CYP4A11: variants seen among roughly 807,000 people sequenced by gnomAD.
CYP4A11 encodes cytochrome P450 4A11.
CYP4A11 carries 52 observed loss-of-function variants against 57.7 expected under a neutral mutation model. That is an observed-to-expected ratio of 0.90 (90% CI 0.72 to 1.14). The LOEUF is 1.14. CYP4A11 is among the 50% of genes most tolerant of loss of function. The probability of loss-of-function intolerance (pLI) is 0.00; values close to 1 mark genes in which losing one functional copy is unlikely to be tolerated. For synonymous variants in CYP4A11, 228 were observed against 247.1 expected (o/e 0.92, Z 0.72); for missense variants, 641 against 642.1 (o/e 1.00, Z 0.02).
At chr1:46,935,959 G>A (rs1214157059) in intron 4 of CYP4A11, among the ~76,000 whole-genome samples, 1 of 152,212 alleles carries the variant, frequency 6.6e-6, no homozygotes, top group Non-Finnish European at 1.5e-5. Context: ...TATTGCTATT[G>A]TTGTTCTGGG....
chr1:46,931,927 T>G, intron 11 of CYP4A11: 1 of 984,038 alleles, frequency 1.0e-6, no homozygotes, highest in Non-Finnish European at 1.2e-6. Context: ...CAATTTCAAG[T>G]GTGTTTTATA....
rs912209394 is a variant in CYP4A11, at chr1:46,930,066, A to C, written c.*49T>G. ...AGAAAACAGGATATGGGCAGACAGG[A>C]AGGGGACAGAAGCGGGGGTCAGGAA... On this transcript the variant is annotated 3_prime_UTR_variant, in exon 12 of 12. Transcript: ENST00000310638. 2 of 1,564,106 alleles carry C rather than the reference A, an allele frequency of 1.3e-6. No individual in the cohort carries two copies. Among genetic ancestry groups the C allele is most frequent in the Admixed American group, 1.8e-5 (1 of 55,256 alleles).
rs758130015 is a variant in CYP4A11 at position 46,934,537 on chromosome 1, C to G, written c.813G>C (p.Lys271Asn). 6.2e-6 allele frequency: 10 copies of G among 1,613,584 alleles called. No homozygotes were observed. The highest frequency in any genetic ancestry group is 8.5e-6 in the Non-Finnish European group (10 of 1,179,798). The change falls in exon 7 of 12, where the codon AAG (lysine) becomes AAC (asparagine). Residue 271 changes from lysine (K) to asparagine (N), a missense_variant. Lys to Asn is a moderately conservative substitution (Grantham distance 94, BLOSUM62 0). Transcript: ENST00000310638. The stretch of plus-strand genomic sequence containing the variant: ...GCTCCCCCTCCTTCTGTAGTTGAGC[C>G]TTCCTCAGTTGGATCACTTGGTCTG... ...QHTDQVIQLR[K>N]AQLQKEGELE...
At chr1:46,935,465 G>T in intron 5 of CYP4A11, 58 bp downstream of exon 5, 1 of 1,545,174 alleles carries the variant, frequency 6.5e-7, no homozygotes, top group Admixed American at 2.1e-5. Context: ...TGCCCCTCAG[G>T]TATGTGCACT....
intron 11 of CYP4A11, among the ~76,000 whole-genome samples, chr1:46,930,577 A>G (rs1301007662): frequency 6.6e-6 from 1 of 152,206 alleles, no homozygotes; most frequent in South Asian, 2.1e-4. Context: ...CTCTATCAAG[A>G]CAAGGCCAGG....
At chr1:46,936,832 TGTG>T in intron 3 of CYP4A11, 41 bp from the exon 4 acceptor site, 1 of 1,569,978 alleles carries the variant, frequency 6.4e-7, no homozygotes, top group Non-Finnish European at 8.6e-7. Flanking sequence ...TGTGTGTGTG[TGTG>T]TGTGTGTGTC....
Position 46,941,132 on chromosome 1 carries a change from C to T in CYP4A11, c.195+107G>A, listed in dbSNP as rs1233356458. On this transcript the variant is annotated intron_variant, in intron 1 of 11. Coordinates refer to ENST00000310638, the MANE Select transcript of CYP4A11 (RefSeq NM_000778.4). Reference sequence around the variant, plus strand: ...AGGTAGGCTGGGTGTTCCTTTGAGTCCTCACATTTGTTACAAAACAAGGCT... The same window carrying T: ...AGGTAGGCTGGGTGTTCCTTTGAGTTCTCACATTTGTTACAAAACAAGGCT... 23 of 1,487,572 alleles carry T rather than the reference C, an allele frequency of 1.5e-5. No individual in the cohort carries two copies. The Admixed American group carries it at 5.3e-4, about 34-fold the overall frequency. 92.1% of individuals were successfully genotyped at this position (1,487,572 alleles called of 1,614,324 possible). A position where few individuals can be genotyped will look rare whatever the true frequency, so the allele number is the denominator to read the frequency against.
rs565990014 is a variant in CYP4A11, at chr1:46,935,169, G to T, written c.636-15C>A. ...ACTGAGAATTCCTGAGGGAGAGTAT[G>T]AAGAAGGGACTGCAGTAGGGGTGGG... On this transcript the variant is annotated splice_polypyrimidine_tract_variant and intron_variant, in intron 5 of 11. Transcript: ENST00000310638. The T allele has an allele frequency of 6.2e-7, 1 of 1,611,592 alleles. No individual in the cohort carries two copies. Among genetic ancestry groups the T allele is most frequent in the South Asian group, 1.1e-5 (1 of 90,838 alleles).
In CYP4A11 at chr1:46,934,303, C is replaced by T. The variant is rs766548408; in HGVS notation, c.961G>A (p.Glu321Lys). 7 of 1,610,460 alleles carry T rather than the reference C, an allele frequency of 4.3e-6. No individual in the cohort carries two copies. The East Asian group carries it at 1.6e-4, about 36-fold the overall frequency. ...CCACTGGCTGTGGTGTCGTGGCCCT[C>T]AAACATGAACGTGTCCACCTCAGCA... ...LRAEVDTFMF[E>K]GHDTTASGIS... The change falls in exon 8 of 12, where the codon GAG becomes AAG. Residue 321 changes from glutamate (E) to lysine (K), a missense_variant. Transcript: ENST00000310638.
At chr1:46,935,195 C>T (rs1158121086) in intron 5 of CYP4A11, 41 bp from the exon 6 acceptor site, 5 of 1,589,942 alleles carry the variant, frequency 3.1e-6, no homozygotes, top group South Asian at 1.1e-5. Context: ...TAGGGGTGGG[C>T]CCATTACCCG....
rs1363020420 is a variant in CYP4A11 at position 46,935,511 on chromosome 1, G to A, written c.635+12C>T. The A allele has an allele frequency of 6.2e-7, 1 of 1,609,530 alleles. No individual in the cohort carries two copies. Among genetic ancestry groups the A allele is most frequent in the Non-Finnish European group, 8.5e-7 (1 of 1,178,542 alleles). ...AGAACAAGGGCCCTGCAGCTGGAGG[G>A]TTGTCACTGACCTGTCCACCTGGAT... On this transcript the variant is annotated intron_variant, in intron 5 of 11. Transcript: ENST00000310638.
chr1:46,941,065 G>A (rs1681719099), intron 1 of CYP4A11, 174 bp downstream of exon 1: 1 of 959,552 alleles, frequency 1.0e-6, no homozygotes, highest in South Asian at 4.8e-5. Flanking sequence ...GGCTTCATGG[G>A]AGAAGTGAGC....
Position 46,937,964 on chromosome 1 carries a change from A to G in CYP4A11, c.337+32T>C, listed in dbSNP as rs540176013. 2.7e-5 allele frequency: 44 copies of G among 1,612,888 alleles called. No individual in the cohort carries two copies. In the East Asian group the frequency reaches 9.6e-4, roughly 35 times the overall value. ...AGGAGCATGTGTCAAGAGGGAAGAC[A>G]CATTGCAGTTGGGATGGGGGTTCGA... On this transcript the variant is annotated intron_variant, in intron 2 of 11. Transcript: ENST00000310638.
At position 46,938,100 on chromosome 1, in the gene CYP4A11, C is replaced by A; in HGVS notation, c.233G>T (p.Trp78Leu). The change falls in exon 2 of 12, where the codon TGG (tryptophan) becomes TTG (leucine). Residue 78 changes from tryptophan (W) to leucine (L), a missense_variant. Physicochemically the swap from Trp to Leu is moderately conservative, Grantham distance 61 (BLOSUM62 -2). Transcript: ENST00000310638. Reference protein sequence around the residue: ...QDQELQRIQKWVETFPSACPH... With the variant: ...QDQELQRIQKLVETFPSACPH... ...ACAGGCACTTGGGAATGTCTCCACC[C>A]ATTTCTGAATCCGTTGTAGCTCCTG... 1 of 1,614,246 alleles carries A rather than the reference C, an allele frequency of 6.2e-7. No homozygotes were observed. Among genetic ancestry groups the A allele is most frequent in the Non-Finnish European group, 8.5e-7 (1 of 1,180,048 alleles).
At chr1:46,937,450 T>A in intron 2 of CYP4A11, 104 bp from the exon 3 acceptor site, 1 of 1,230,330 alleles carries the variant, frequency 8.1e-7, no homozygotes, top group South Asian at 1.3e-5. Context: ...GTTTGACCCA[T>A]GTCACCTCCC....
chr1:46,941,223 T>A lies in CYP4A11; in HGVS notation c.195+16A>T. 2 of 1,607,014 alleles carry A rather than the reference T, an allele frequency of 1.2e-6. No individual in the cohort carries two copies. Among genetic ancestry groups the A allele is most frequent in the Non-Finnish European group, 8.5e-7 (1 of 1,175,952 alleles). On this transcript the variant is annotated intron_variant, in intron 1 of 11. Coordinates refer to ENST00000310638, the MANE Select transcript of CYP4A11 (RefSeq NM_000778.4). ...CCCTCTTTGCCCTCCCACTCCCCCATTGAGTTCCTCCCTACCTCCTGGATG... is the reference window on the plus strand; with the variant it reads ...CCCTCTTTGCCCTCCCACTCCCCCAATGAGTTCCTCCCTACCTCCTGGATG...
chr1:46,935,411 T>C, intron 5 of CYP4A11, 112 bp downstream of exon 5: 2 of 1,516,978 alleles, frequency 1.3e-6, no homozygotes, highest in South Asian at 1.3e-5. Flanking sequence ...GGTCAGGGAC[T>C]GACTCTTCCT....
rs778258571 is a variant in CYP4A11, at chr1:46,941,274, G to A, written c.160C>T (p.Pro54Ser). The A allele has an allele frequency of 5.6e-6, 9 of 1,614,054 alleles. No individual in the cohort carries two copies. The highest frequency in any genetic ancestry group is 7.6e-6 in the Non-Finnish European group (9 of 1,179,970). Residue 54 changes from proline to serine, a missense_variant, in exon 1 of 12, where the codon CCT (proline) becomes TCT (serine). Pro to Ser is a moderately conservative substitution (Grantham distance 74). Transcript: ENST00000310638. ...LLKALQQFPC[P>S]PSHWLFGHIQ... is the part of the protein sequence containing the mutation. ...TGCCCGAAGAGCCAGTGGGAGGGAG[G>A]GCACGGGAACTGCTGGAGGGCTTTG...
rs774270128 is a variant in CYP4A11 at position 46,934,363 on chromosome 1, C to A, written c.901G>T (p.Glu301Ter). 1 of 1,578,712 alleles carries A rather than the reference C, an allele frequency of 6.3e-7. No homozygotes were observed. Among genetic ancestry groups the A allele is most frequent in the Admixed American group, 1.8e-5 (1 of 57,002 alleles). ...TTGTCTGACAAGATGCTCCCATTCT[C>A]CATCTGGGAAGACCGTGGTGAAAAT... Reference protein sequence around the residue: ...FLDILLLAKMENGSILSDKDL... With the variant: ...FLDILLLAKM Residue 301 changes from glutamate (E) to a stop codon, truncating the protein, a stop_gained, in exon 8 of 12, where the codon GAG becomes TAG. Coordinates refer to ENST00000310638, the MANE Select transcript of CYP4A11 (RefSeq NM_000778.4). LOFTEE classifies it high-confidence loss of function.
Sources: gnomAD v4.1 joint callset for allele counts (sites outside exome capture counted in the v4.1 genomes callset) on GRCh38, gnomAD v4.1.1 for gene constraint, MANE v1.5 for transcripts, NCBI Gene and HGNC (gene_info 2026-07-23, HGNC 2026-07-21) for gene names.